NLGN4Y: variants seen among roughly 807,000 people sequenced by gnomAD.
NLGN4Y encodes the protein neuroligin-4, Y-linked.
In NLGN4Y, 4 loss-of-function variants were observed where a neutral mutation model predicts 8.4. The observed-to-expected ratio is 0.48, with a 90% CI of 0.23 to 1.09. The LOEUF is 1.09. Among genes scored for constraint, NLGN4Y ranks in the 50% least tolerant of loss-of-function variants. The pLI, the probability that NLGN4Y is intolerant of heterozygous loss-of-function variation, is 0.19. For synonymous variants in NLGN4Y, 35 were observed against 75.6 expected, an observed-to-expected ratio of 0.46 and a Z score of 2.78; for missense variants, 90 against 192.3, an observed-to-expected ratio of 0.47 and a Z score of 3.15.
At chrY:14,760,617 T>C (rs781469934) in intron 4 of NLGN4Y, among the ~76,000 whole-genome samples, 6 of 34,065 alleles carry the variant, frequency 1.8e-4, no homozygotes, top group African/African-American at 6.8e-4. Context: ...CTGTAATCTG[T>C]CATAGATAAA....
At chrY:14,565,073 C>T (rs748643330) in intron 1 of NLGN4Y, among the ~76,000 whole-genome samples, 1 of 32,896 alleles carries the variant, frequency 3.0e-5, no homozygotes, top group East Asian at 8.5e-4. Context: ...AAAACCAGCA[C>T]AAAAAGGCTG....
At chrY:14,704,526 G>A in intron 2 of NLGN4Y, among the ~76,000 whole-genome samples, 1 of 33,156 alleles carries the variant, frequency 3.0e-5, no homozygotes, top group African/African-American at 1.2e-4. Flanking sequence ...AATCATGGTG[G>A]ATAAGCTTTT....
At chrY:14,762,209 T>A in intron 4 of NLGN4Y, among the ~76,000 whole-genome samples, 1 of 34,057 alleles carries the variant, frequency 2.9e-5, no homozygotes, top group Non-Finnish European at 7.3e-5. Flanking sequence ...AAATGTATTC[T>A]GTAAGAGATA....
At chrY:14,580,357 A>G in intron 1 of NLGN4Y, among the ~76,000 whole-genome samples, 2 of 28,720 alleles carry the variant, frequency 7.0e-5, no homozygotes, top group African/African-American at 1.4e-4. Context: ...TCTTTTGGCT[A>G]TATACTCAGT....
intron 1 of NLGN4Y, among the ~76,000 whole-genome samples, chrY:14,561,539 C>T: frequency 9.1e-5 from 3 of 33,117 alleles, no homozygotes; most frequent in Non-Finnish European, 1.5e-4. Context: ...CATACGTATG[C>T]ATGTGTCTTT....
intron 2 of NLGN4Y, among the ~76,000 whole-genome samples, chrY:14,699,712 T>C: frequency 3.1e-5 from 1 of 32,595 alleles, no homozygotes; most frequent in Admixed American, 2.9e-4. Flanking sequence ...CATGTAATTA[T>C]GAAAGAAATG....
intron 2 of NLGN4Y, among the ~76,000 whole-genome samples, chrY:14,635,650 G>A (rs750139780): frequency 3.5e-5 from 1 of 28,971 alleles, no homozygotes; most frequent in African/African-American, 1.4e-4. Flanking sequence ...GGAGTGCAAT[G>A]GGATGATCTC....
chrY:14,668,060 C>T (rs754885176), intron 2 of NLGN4Y, among the ~76,000 whole-genome samples: 1 of 33,214 alleles, frequency 3.0e-5, no homozygotes, highest in East Asian at 8.1e-4. Flanking sequence ...GAGATGGACA[C>T]ATATTAGGCA....
chrY:14,743,844 TGACAGGC>T (rs2081015848), intron 4 of NLGN4Y, among the ~76,000 whole-genome samples: 1 of 33,468 alleles, frequency 3.0e-5, no homozygotes, highest in Non-Finnish European at 7.4e-5. Context: ...AGCCACAGGC[TGACAGGC>T]TGAGATTCTA....
chrY:14,785,932 G>GA, intron 4 of NLGN4Y, among the ~76,000 whole-genome samples: 1 of 32,816 alleles, frequency 3.0e-5, no homozygotes, highest in South Asian at 6.6e-4. Context: ...AAGAAAAAAA[G>GA]AAAAAAAAGA....
chrY:14,680,405 A>G (rs2080764652), intron 2 of NLGN4Y, among the ~76,000 whole-genome samples: 1 of 33,230 alleles, frequency 3.0e-5, no homozygotes, highest in Non-Finnish European at 7.4e-5. Context: ...GGGTGAATTA[A>G]TACAGCTGTC....
intron 1 of NLGN4Y, among the ~76,000 whole-genome samples, chrY:14,540,363 G>C (rs902359866): frequency 7.3e-4 from 24 of 32,952 alleles, no homozygotes; most frequent in African/African-American, 2.9e-3. Context: ...CCCTGGGACA[G>C]AGCAACTGGG....
chrY:14,565,103 T>C (rs2080246661), intron 1 of NLGN4Y, among the ~76,000 whole-genome samples: 1 of 32,557 alleles, frequency 3.1e-5, no homozygotes, highest in African/African-American at 1.2e-4. Flanking sequence ...AAAACCAGGA[T>C]GCCTCTCCTC....
intron 4 of NLGN4Y, among the ~76,000 whole-genome samples, chrY:14,729,543 A>G: frequency 2.9e-5 from 1 of 33,916 alleles, no homozygotes; most frequent in Admixed American, 2.7e-4. Context: ...TGAAGTTGTC[A>G]TGTACTTCAC....
intron 1 of NLGN4Y, among the ~76,000 whole-genome samples, chrY:14,616,575 ATT>A (rs2080489933): frequency 3.0e-5 from 1 of 33,009 alleles, no homozygotes; most frequent in Non-Finnish European, 7.4e-5. Context: ...CCTTGTGGGC[ATT>A]TAGTGCTATA....
intron 1 of NLGN4Y, among the ~76,000 whole-genome samples, chrY:14,526,578 TTGTG>T (rs750485504): frequency 3.3e-5 from 1 of 30,299 alleles, no homozygotes; most frequent in Non-Finnish European, 8.1e-5. Context: ...AGGCTTGATT[TTGTG>T]TGTGTGTGTG....
At chrY:14,816,144 A>G (rs2043101048) in intron 4 of NLGN4Y, among the ~76,000 whole-genome samples, 6 of 33,857 alleles carry the variant, frequency 1.8e-4, no homozygotes, top group Admixed American at 1.6e-3. Context: ...GGCTGGCTTC[A>G]GGTATGAGTA....
intron 4 of NLGN4Y, among the ~76,000 whole-genome samples, chrY:14,780,126 A>G: frequency 9.2e-5 from 3 of 32,585 alleles, no homozygotes; most frequent in Admixed American, 8.4e-4. Flanking sequence ...CCTTTCTTAA[A>G]TCCACTCCAC....
At chrY:14,546,022 A>G in intron 1 of NLGN4Y, among the ~76,000 whole-genome samples, 1 of 32,131 alleles carries the variant, frequency 3.1e-5, no homozygotes, top group Non-Finnish European at 7.6e-5. Flanking sequence ...AGCACCATTT[A>G]TTAAATAGGG....
Sources: gnomAD v4.1 joint callset for allele counts (sites outside exome capture counted in the v4.1 genomes callset) on GRCh38, gnomAD v4.1.1 for gene constraint, MANE v1.5 for transcripts, NCBI Gene and HGNC (gene_info 2026-07-23, HGNC 2026-07-21) for gene names.